The following NALF1 variants were observed in gnomAD, a reference collection of about 807,000 sequenced individuals.
NALF1 encodes the protein family with sequence similarity 155 member A.
In NALF1, 3 loss-of-function variants were observed where a neutral mutation model predicts 48.4. The ratio of observed to expected loss-of-function variants is 0.06; its 90% CI spans 0.03 to 0.16. The LOEUF (loss-of-function observed/expected upper bound fraction) is 0.16. Among genes scored for constraint, NALF1 ranks in the 10% least tolerant of loss-of-function variants. The probability of loss-of-function intolerance (pLI) is 1.00; values close to 1 mark genes in which losing one functional copy is unlikely to be tolerated. For missense variants in NALF1, 526 were observed against 571.5 expected (o/e 0.92, Z 0.81); for synonymous variants, 262 against 245.7 (o/e 1.07, Z -0.62).
chr13:107,268,733 G>C (rs549274989), intron 1 of NALF1, among the ~76,000 whole-genome samples: 1 of 152,266 alleles, frequency 6.6e-6, no homozygotes, highest in Non-Finnish European at 1.5e-5. Context: ...AAGTTAGGAG[G>C]GTTAAGAGAA....
chr13:107,309,348 CAG>C (rs1379399360), intron 1 of NALF1, among the ~76,000 whole-genome samples: 1 of 152,222 alleles, frequency 6.6e-6, no homozygotes, highest in Non-Finnish European at 1.5e-5. Context: ...CACTGGCATA[CAG>C]AGTTTTTGAC....
chr13:107,199,663 TTCCAG>T (rs1390946577), intron 2 of NALF1, among the ~76,000 whole-genome samples: 13 of 152,304 alleles, frequency 8.5e-5, no homozygotes, highest in Admixed American at 6.5e-4. Context: ...AGTTCCAGCA[TTCCAG>T]GTAGCGGAGG....
chr13:107,394,884 C>T (rs1883686130), intron 1 of NALF1, among the ~76,000 whole-genome samples: 4 of 152,108 alleles, frequency 2.6e-5, no homozygotes, highest in Admixed American at 6.6e-5. Context: ...GAGAACAAAA[C>T]AGTCTCTACC....
At chr13:107,546,501 G>A (rs934558641) in intron 1 of NALF1, among the ~76,000 whole-genome samples, 13 of 152,144 alleles carry the variant, frequency 8.5e-5, no homozygotes, top group African/African-American at 2.9e-4. Context: ...TTCATTTGTA[G>A]ATTCAAGTTC....
At chr13:107,806,456 T>C (rs1340840895) in intron 1 of NALF1, among the ~76,000 whole-genome samples, 1 of 152,160 alleles carries the variant, frequency 6.6e-6, no homozygotes, top group African/African-American at 2.4e-5. Flanking sequence ...ACATATTTTG[T>C]CCATTTCTTA....
At chr13:107,777,461 C>T (rs962101825) in intron 1 of NALF1, among the ~76,000 whole-genome samples, 15 of 152,154 alleles carry the variant, frequency 9.9e-5, no homozygotes, top group African/African-American at 1.4e-4. Context: ...GTTTGGATCA[C>T]GGGGGCAGAT....
At chr13:107,478,840 T>C (rs1418284004) in intron 1 of NALF1, among the ~76,000 whole-genome samples, 4 of 152,130 alleles carry the variant, frequency 2.6e-5, no homozygotes, top group African/African-American at 9.7e-5. Context: ...ATGTAACGTA[T>C]TACAGAGTTT....
chr13:107,820,308 A>C (rs954310877), intron 1 of NALF1, among the ~76,000 whole-genome samples: 1 of 152,228 alleles, frequency 6.6e-6, no homozygotes, highest in Admixed American at 6.5e-5. Context: ...GAAATTTTAT[A>C]GTCAGCTGGA....
Position 107,362,215 on chromosome 13 carries a change from T to C in NALF1, c.916-151460A>G, listed in dbSNP as rs1883074513. The stretch of plus-strand genomic sequence containing the variant: ...TACCTGATGGTGGGGAAAAACGGGG[T>C]CAGGTGACAGCTTTATGATATTCAT... On this transcript the variant is annotated intron_variant, in intron 1 of 2. Coordinates refer to ENST00000375915, the MANE Select transcript of NALF1 (RefSeq NM_001080396.3). The surrounding 1 kb of genome is among the most constrained non-coding windows in gnomAD (Gnocchi z 4.6). Among the ~76,000 whole-genome samples the C allele has an allele frequency of 6.6e-6, 1 of 152,106 alleles. No homozygotes were observed. The highest frequency in any genetic ancestry group is 6.5e-5 in the Admixed American group (1 of 15,276).
rs200760276 is a variant in NALF1 at position 107,718,157 on chromosome 13, G to A, written c.915+147525C>T. ...GTGTCCTTGATGGCACTGTCTCCCTGCCTGACCCCTTCTAGAGTCTTTCCC... is the reference window on the plus strand; with the variant it reads ...GTGTCCTTGATGGCACTGTCTCCCTACCTGACCCCTTCTAGAGTCTTTCCC... On this transcript the variant is annotated intron_variant, in intron 1 of 2. Coordinates refer to ENST00000375915, the MANE Select transcript of NALF1 (RefSeq NM_001080396.3). Among the ~76,000 whole-genome samples the A allele has an allele frequency of 3.9e-5, 6 of 152,260 alleles. No homozygotes were observed. In the East Asian group the frequency reaches 9.7e-4, roughly 24 times the overall value.
chr13:107,188,285 C>T (rs1266836108), intron 2 of NALF1, among the ~76,000 whole-genome samples: 2 of 152,034 alleles, frequency 1.3e-5, no homozygotes. Flanking sequence ...AAATTAAAAA[C>T]ATCATCAGGA....
chr13:107,428,859 C>T (rs1884326303), intron 1 of NALF1, among the ~76,000 whole-genome samples: 2 of 152,134 alleles, frequency 1.3e-5, no homozygotes, highest in Non-Finnish European at 2.9e-5. Flanking sequence ...CATCCTTTTA[C>T]ACTATTTGAA....
intron 1 of NALF1, among the ~76,000 whole-genome samples, chr13:107,492,993 C>T (rs1875195854): frequency 6.6e-6 from 1 of 152,110 alleles, no homozygotes; most frequent in Non-Finnish European, 1.5e-5. Flanking sequence ...GAATTTGTTG[C>T]TAGAATTTTG....
chr13:107,278,606 A>G (rs1881326937), intron 1 of NALF1, among the ~76,000 whole-genome samples: 1 of 152,234 alleles, frequency 6.6e-6, no homozygotes, highest in South Asian at 2.1e-4. Flanking sequence ...TCTTCTGAAT[A>G]TATTAATTTT....
intron 1 of NALF1, among the ~76,000 whole-genome samples, chr13:107,223,318 A>G (rs187234527): frequency 6.6e-6 from 1 of 152,156 alleles, no homozygotes; most frequent in African/African-American, 2.4e-5. Flanking sequence ...GTTGAATTCA[A>G]TCAAAACAGT....
intron 1 of NALF1, among the ~76,000 whole-genome samples, chr13:107,222,572 T>G (rs1880017013): frequency 6.6e-6 from 1 of 152,224 alleles, no homozygotes; most frequent in South Asian, 2.1e-4. Flanking sequence ...TTCGCCCCGC[T>G]TAGGAGAAGC....
At chr13:107,271,814 A>ATATATATTTATT (rs1374366280) in intron 1 of NALF1, among the ~76,000 whole-genome samples, 1,021 of 101,752 alleles carry the variant, frequency 0.01, 7 homozygotes, top group Non-Finnish European at 0.013. Context: ...ATATATATAT[A>ATATATATTTATT]TATTTATATA....
At chr13:107,294,328 C>T (rs1881685260) in intron 1 of NALF1, among the ~76,000 whole-genome samples, 1 of 152,030 alleles carries the variant, frequency 6.6e-6, no homozygotes, top group African/African-American at 2.4e-5. Context: ...TGTTTTCTCC[C>T]CATTCATTAT....
intron 1 of NALF1, among the ~76,000 whole-genome samples, chr13:107,565,103 C>CA (rs201608856): frequency 0.24 from 18,519 of 77,134 alleles, 1,693 homozygotes; most frequent in South Asian, 0.33. Context: ...AAGTAAAAGA[C>CA]AAAAAAAAAA....
Sources: gnomAD v4.1 joint callset for allele counts (sites outside exome capture counted in the v4.1 genomes callset) on GRCh38, gnomAD v4.1.1 for gene constraint, Gnocchi (gnomAD v3.1) non-coding constraint, MANE v1.5 for transcripts, NCBI Gene and HGNC (gene_info 2026-07-23, HGNC 2026-07-21) for gene names.